GULP1: variants seen among roughly 807,000 people sequenced by gnomAD.
The protein encoded by GULP1 is PTB domain-containing engulfment adapter protein 1.
A neutral mutation model predicts 40.9 loss-of-function variants in GULP1; 19 were observed. The observed-to-expected ratio is 0.46, with a 90% CI of 0.32 to 0.68. GULP1 has a LOEUF of 0.68. GULP1 is among the 30% of genes least tolerant of loss of function. The pLI, the probability that GULP1 is intolerant of heterozygous loss-of-function variation, is 0.03. For missense variants in GULP1, 312 were observed against 362.2 expected (o/e 0.86, Z 1.12); for synonymous variants, 119 against 117.6 (o/e 1.01, Z -0.08).
chr2:188,503,283 C>A (rs1186294673), intron 4 of GULP1, among the ~76,000 whole-genome samples: 1 of 151,686 alleles, frequency 6.6e-6, no homozygotes, highest in Non-Finnish European at 1.5e-5. Context: ...TAAAGAACTG[C>A]TTGAGACTGG....
chr2:188,403,534 T>C (rs922594023), intron 2 of GULP1, among the ~76,000 whole-genome samples: 1 of 152,094 alleles, frequency 6.6e-6, no homozygotes, highest in African/African-American at 2.4e-5. Context: ...AATTCTTAGA[T>C]AGAAGAAAAA....
intron 2 of GULP1, among the ~76,000 whole-genome samples, chr2:188,429,514 C>G (rs1031967478): frequency 6.6e-6 from 1 of 151,968 alleles, no homozygotes; most frequent in Non-Finnish European, 1.5e-5. Flanking sequence ...AAAAAAGATT[C>G]AGTAGGAGTC....
chr2:188,480,458 T>G (rs1272863347), intron 3 of GULP1, among the ~76,000 whole-genome samples: 4 of 150,130 alleles, frequency 2.7e-5, no homozygotes, highest in East Asian at 1.9e-4. Flanking sequence ...ATAATTGTGT[T>G]TTTTTTTTAA....
intron 7 of GULP1, among the ~76,000 whole-genome samples, chr2:188,546,185 C>T (rs1287798218): frequency 6.6e-6 from 1 of 151,902 alleles, no homozygotes; most frequent in South Asian, 2.1e-4. Flanking sequence ...AGAAAATCAT[C>T]AAGGATATAG....
intron 4 of GULP1, among the ~76,000 whole-genome samples, chr2:188,504,549 A>T (rs1047081380): frequency 6.6e-6 from 1 of 151,960 alleles, no homozygotes; most frequent in Non-Finnish European, 1.5e-5. Context: ...TTTGACAGAG[A>T]GTAATAGGTA....
chr2:188,561,196 C>T (rs969589648), intron 7 of GULP1, among the ~76,000 whole-genome samples: 1 of 152,160 alleles, frequency 6.6e-6, no homozygotes, highest in Non-Finnish European at 1.5e-5. Flanking sequence ...ATCTTTATTC[C>T]CTAGGCTGAT....
chr2:188,365,019 T>C (rs1294987224), intron 1 of GULP1, among the ~76,000 whole-genome samples: 1 of 152,058 alleles, frequency 6.6e-6, no homozygotes, highest in African/African-American at 2.4e-5. Flanking sequence ...TGAAGGACTT[T>C]AATCAGTGAT....
intron 1 of GULP1, among the ~76,000 whole-genome samples, chr2:188,373,628 A>G (rs1574829475): frequency 6.6e-6 from 1 of 151,974 alleles, no homozygotes; most frequent in Non-Finnish European, 1.5e-5. Flanking sequence ...ATCAAAGCAG[A>G]TAATTACTCT....
In GULP1 at chr2:188,570,059, TTAAAAA is replaced by T. The variant is rs777966236; in HGVS notation, c.553_558del (p.Asn185_Lys186del). 1 of 1,434,668 alleles carries T rather than the reference TTAAAAA, an allele frequency of 7.0e-7. No homozygotes were observed. The highest frequency in any genetic ancestry group is 9.7e-7 in the Non-Finnish European group (1 of 1,029,366). The allele number at this position is 1,434,668 out of a possible 1,614,324, so 88.9% of individuals were successfully genotyped here. On this transcript the variant is annotated inframe_deletion, in exon 9 of 12. Coordinates refer to ENST00000409830, the MANE Select transcript of GULP1 (RefSeq NM_016315.4). ...GACTTAGAAACAGAAAATATGGAACTTAAAAATAAAGTACAAGATTTGGAAAACCAA... is the reference window on the plus strand; with the variant it reads ...GACTTAGAAACAGAAAATATGGAACTTAAAGTACAAGATTTGGAAAACCAA...
chr2:188,385,086 C>A (rs994574359), intron 2 of GULP1, among the ~76,000 whole-genome samples: 1 of 152,148 alleles, frequency 6.6e-6, no homozygotes, highest in Admixed American at 6.5e-5. Flanking sequence ...CCAGTAGGGA[C>A]TCTGTGTGGG....
At chr2:188,552,041 T>G (rs1240616968) in intron 7 of GULP1, among the ~76,000 whole-genome samples, 1 of 151,714 alleles carries the variant, frequency 6.6e-6, no homozygotes, top group Non-Finnish European at 1.5e-5. Flanking sequence ...TTCTAAGTTG[T>G]TTGAGTTCCT....
chr2:188,365,346 C>T (rs1357123829), intron 1 of GULP1, among the ~76,000 whole-genome samples: 1 of 152,130 alleles, frequency 6.6e-6, no homozygotes, highest in African/African-American at 2.4e-5. Flanking sequence ...GATCACCATT[C>T]ATGTAAGGGG....
intron 2 of GULP1, among the ~76,000 whole-genome samples, chr2:188,411,718 A>C (rs1244117407): frequency 2.0e-5 from 3 of 152,222 alleles, no homozygotes; most frequent in African/African-American, 7.2e-5. Context: ...GTTCCTGACC[A>C]TCCAGCCAAA....
chr2:188,316,615 T>G (rs1296826920), intron 1 of GULP1, among the ~76,000 whole-genome samples: 2 of 152,130 alleles, frequency 1.3e-5, no homozygotes, highest in Non-Finnish European at 2.9e-5. Flanking sequence ...CAACTCCTGC[T>G]TTTTCCTCAG....
At chr2:188,536,188 C>T (rs569455455) in intron 6 of GULP1, among the ~76,000 whole-genome samples, 1 of 152,056 alleles carries the variant, frequency 6.6e-6, no homozygotes, top group South Asian at 2.1e-4. Flanking sequence ...TGTGCAGATG[C>T]TCTTTAATTA....
chr2:188,323,873 C>T (rs865955635), intron 1 of GULP1, among the ~76,000 whole-genome samples: 3 of 151,806 alleles, frequency 2.0e-5, no homozygotes, highest in Middle Eastern at 6.8e-3. Flanking sequence ...CGTATCCTCT[C>T]AATTTTGCTC....
chr2:188,463,283 T>G (rs6434281), intron 2 of GULP1, among the ~76,000 whole-genome samples: 151,308 of 152,266 alleles, frequency 0.99, 75,188 homozygotes, highest in East Asian at 1. Context: ...ATTTTTGCCA[T>G]ATACATTCTA....
intron 2 of GULP1, among the ~76,000 whole-genome samples, chr2:188,459,084 C>G (rs966818419): frequency 2.0e-5 from 3 of 152,108 alleles, no homozygotes; most frequent in Non-Finnish European, 2.9e-5. Context: ...TTCTTTTTGT[C>G]CATTCACCTG....
chr2:188,398,367 A>G (rs2051595977), intron 2 of GULP1, among the ~76,000 whole-genome samples: 1 of 152,202 alleles, frequency 6.6e-6, no homozygotes, highest in Admixed American at 6.5e-5. Flanking sequence ...TTATTGAAGA[A>G]ATTGAAGAAA....
Sources: gnomAD v4.1 joint callset for allele counts (sites outside exome capture counted in the v4.1 genomes callset) on GRCh38, gnomAD v4.1.1 for gene constraint, MANE v1.5 for transcripts, NCBI Gene and HGNC (gene_info 2026-07-23, HGNC 2026-07-21) for gene names.